GLO1: variants seen among roughly 807,000 people sequenced by gnomAD.
The protein encoded by GLO1 is lactoylglutathione lyase.
Under a neutral mutation model 26.0 loss-of-function variants are expected in GLO1, and 28 were observed. The observed-to-expected ratio is 1.08, with a 90% CI of 0.80 to 1.48. GLO1 has a LOEUF of 1.48. Among genes scored for constraint, GLO1 ranks in the 40% most tolerant of loss-of-function variants. The probability of loss-of-function intolerance (pLI) is 0.00; values close to 1 mark genes in which losing one functional copy is unlikely to be tolerated. For synonymous variants in GLO1, 78 were observed against 77.6 expected (o/e 1.00, Z -0.03); for missense variants, 225 against 224.8 (o/e 1.00, Z -0.01).
At chr6:38,679,285 C>T (rs144368812) in intron 5 of GLO1, among the ~76,000 whole-genome samples, 43 of 151,808 alleles carry the variant, frequency 2.8e-4, no homozygotes, top group African/African-American at 1.0e-3. Flanking sequence ...TGCCACCATG[C>T]CCAGATAATT....
chr6:38,677,253 G>A lies in GLO1; in HGVS notation c.*42C>T. 1 of 895,242 alleles carries A rather than the reference G, an allele frequency of 1.1e-6. No homozygotes were observed. The highest frequency in any genetic ancestry group is 1.9e-6 in the Non-Finnish European group (1 of 524,884). The allele number at this position is 895,242 out of a possible 1,614,324, so 55.5% of individuals were successfully genotyped here. On this transcript the variant is annotated 3_prime_UTR_variant, in exon 6 of 6. Transcript: ENST00000373365. ...GTATGTAAATATCTTGAATCACATT[G>A]TTTCCTTTCTTCTGAAATCTCAAAG...
At chr6:38,696,569 T>C (rs983434151) in intron 1 of GLO1, among the ~76,000 whole-genome samples, 1 of 152,202 alleles carries the variant, frequency 6.6e-6, no homozygotes, top group African/African-American at 2.4e-5. Context: ...ACAGTCTCTT[T>C]TATAGGATGC....
Position 38,703,025 on chromosome 6 carries a change from G to T in GLO1, c.30C>A (p.Gly10=). MAEPQPPSG[G]LTDEAALSCC... ...AACTGAGGGCGGCCTCGTCCGTGAG[G>T]CCGCCGGACGGGGGCTGCGGTTCTG... is the stretch of plus-strand genomic sequence containing the variant. The change falls in exon 1 of 6, where the codon GGC becomes GGA. Residue 10 remains glycine, a synonymous_variant. Coordinates refer to ENST00000373365, the MANE Select transcript of GLO1 (RefSeq NM_006708.3). The T allele has an allele frequency of 6.3e-7, 1 of 1,581,532 alleles. No homozygotes were observed. Among genetic ancestry groups the T allele is most frequent in the Non-Finnish European group, 8.6e-7 (1 of 1,159,236 alleles).
intron 5 of GLO1, 96 bp downstream of exon 5, chr6:38,681,916 T>A (rs1280276982): frequency 1.4e-6 from 1 of 720,440 alleles, no homozygotes; most frequent in Non-Finnish European, 2.5e-6. Context: ...TTCTGTTACT[T>A]GTAGCCAAAA....
intron 1 of GLO1, chr6:38,687,218 T>TC (rs1461339234): frequency 2.5e-6 from 1 of 402,260 alleles, no homozygotes; most frequent in Non-Finnish European, 3.4e-6. Context: ...GGCATCCCTG[T>TC]CCCTTGGTGG....
intron 1 of GLO1, among the ~76,000 whole-genome samples, chr6:38,700,411 T>C (rs1761680659): frequency 6.6e-6 from 1 of 152,232 alleles, no homozygotes; most frequent in African/African-American, 2.4e-5. Context: ...ACATGTCATT[T>C]TATCCTCATA....
At position 38,677,184 on chromosome 6, in the gene GLO1, T is replaced by C. The variant is rs1266131562; in HGVS notation, c.*111A>G. 1.4e-6 allele frequency: 1 copy of C among 722,842 alleles called. No individual in the cohort carries two copies. The highest frequency in any genetic ancestry group is 2.5e-6 in the Non-Finnish European group (1 of 400,600). The allele number at this position is 722,842 out of a possible 1,614,324, so 44.8% of individuals were successfully genotyped here. On this transcript the variant is annotated 3_prime_UTR_variant, in exon 6 of 6. Coordinates refer to ENST00000373365, the MANE Select transcript of GLO1 (RefSeq NM_006708.3). Reference sequence around the variant, plus strand: ...TAGGAAGGGGAAATGGACTGAAGAATAATTTGAATCGGGACAGTGATCCAT... The same window carrying C: ...TAGGAAGGGGAAATGGACTGAAGAACAATTTGAATCGGGACAGTGATCCAT...
intron 1 of GLO1, among the ~76,000 whole-genome samples, chr6:38,690,523 T>C (rs190710662): frequency 1.1e-4 from 16 of 151,840 alleles, no homozygotes; most frequent in African/African-American, 3.6e-4. Context: ...TAAAATGGTA[T>C]ATTAGCTTTT....
At chr6:38,684,243 T>A in intron 3 of GLO1, 131 bp downstream of exon 3, 1 of 367,820 alleles carries the variant, frequency 2.7e-6, no homozygotes, top group Non-Finnish European at 4.7e-6. Context: ...CACTTCAATA[T>A]ATTATTAAAA....
chr6:38,685,135 T>C (rs1435582029), intron 2 of GLO1, among the ~76,000 whole-genome samples: 2 of 151,756 alleles, frequency 1.3e-5, no homozygotes, highest in Non-Finnish European at 2.9e-5. Flanking sequence ...GTCAGCAGAG[T>C]GGGGAAGCAT....
chr6:38,687,718 A>C (rs1423611476), intron 1 of GLO1, among the ~76,000 whole-genome samples: 3 of 152,348 alleles, frequency 2.0e-5, no homozygotes, highest in Non-Finnish European at 4.4e-5. Context: ...CTTAGGACTT[A>C]ACTAGGTGTA....
At position 38,682,100 on chromosome 6, in the gene GLO1, A is replaced by T; in HGVS notation, c.378T>A (p.Gly126=). 6.5e-7 allele frequency: 1 copy of T among 1,532,402 alleles called. No individual in the cohort carries two copies. The highest frequency in any genetic ancestry group is 9.0e-7 in the Non-Finnish European group (1 of 1,105,502). 94.9% of individuals were successfully genotyped at this position (1,532,402 alleles called of 1,614,324 possible). ...HNGNSDPRGF[G]HIGIAVPDVY... ...CATCAGGAACAGCAATTCCAATATG[A>T]CCTTACGTGATACCCCCCGAAAAAA... The change falls in exon 5 of 6, where the codon GGT becomes GGA. Residue 126 remains glycine, a splice_region_variant and synonymous_variant. Coordinates refer to ENST00000373365, the MANE Select transcript of GLO1 (RefSeq NM_006708.3).
chr6:38,702,088 G>T (rs1424643439), intron 1 of GLO1, among the ~76,000 whole-genome samples: 1 of 151,892 alleles, frequency 6.6e-6, no homozygotes, highest in African/African-American at 2.4e-5. Flanking sequence ...CCGCCACCAC[G>T]CCCAGCTCAT....
chr6:38,695,191 G>C (rs1761590933), intron 1 of GLO1, among the ~76,000 whole-genome samples: 1 of 151,306 alleles, frequency 6.6e-6, no homozygotes, highest in Non-Finnish European at 1.5e-5. Context: ...CCTTTCTCTG[G>C]GTCACTGGAA....
chr6:38,678,341 A>G (rs113645864), intron 5 of GLO1, among the ~76,000 whole-genome samples: 1 of 138,510 alleles, frequency 7.2e-6, no homozygotes, highest in African/African-American at 2.5e-5. Context: ...AGAAAGAGAA[A>G]GAGAGAAAGA....
chr6:38,687,187 C>T (rs1044385880), intron 1 of GLO1: 1 of 712,012 alleles, frequency 1.4e-6, no homozygotes, highest in African/African-American at 2.0e-5. Context: ...TGACCTTCAA[C>T]CAATGGTCGA....
At chr6:38,693,685 C>CTATATATATATA (rs1170645548) in intron 1 of GLO1, among the ~76,000 whole-genome samples, 37 of 86,428 alleles carry the variant, frequency 4.3e-4, no homozygotes, top group African/African-American at 8.4e-4. Context: ...CTCTCTCTCT[C>CTATATATATATA]TATATATATA....
intron 3 of GLO1, 141 bp downstream of exon 3, chr6:38,684,233 C>T (rs1440813512): frequency 2.8e-6 from 1 of 352,670 alleles, no homozygotes; most frequent in African/African-American, 2.1e-5. Flanking sequence ...GCATGAAAAA[C>T]ACTTCAATAT....
chr6:38,683,367 A>C (rs1229768628), intron 3 of GLO1, among the ~76,000 whole-genome samples: 1 of 152,212 alleles, frequency 6.6e-6, no homozygotes, highest in Non-Finnish European at 1.5e-5. Flanking sequence ...CTACATTTTT[A>C]AGTGCTCAAG....
Sources: allele counts gnomAD v4.1 joint callset (sites outside exome capture counted in the v4.1 genomes callset), GRCh38; gene constraint gnomAD v4.1.1; transcripts MANE v1.5; gene names NCBI Gene and HGNC (gene_info 2026-07-23, HGNC 2026-07-21).